Variants in NPTX1 observed in about 807,000 individuals in gnomAD.
NPTX1 encodes the protein neuronal pentraxin 1.
NPTX1 carries 12 observed loss-of-function variants against 38.7 expected under a neutral mutation model. That is an observed-to-expected ratio of 0.31 (90% CI 0.20 to 0.50). NPTX1 has a LOEUF of 0.50. NPTX1 is among the 20% of genes least tolerant of loss of function. NPTX1 has a pLI of 0.98. For missense variants in NPTX1, 454 were observed against 592.2 expected, an observed-to-expected ratio of 0.77 and a Z score of 2.42; for synonymous variants, 272 against 264.9, an observed-to-expected ratio of 1.03 and a Z score of -0.26.
At position 80,475,499 on chromosome 17, in the gene NPTX1, T is replaced by C; in HGVS notation, c.652+12A>G. On this transcript the variant is annotated intron_variant, in intron 2 of 4. Coordinates refer to ENST00000306773, the MANE Select transcript of NPTX1 (RefSeq NM_002522.4). The surrounding 1 kb of genome is among the most constrained non-coding windows in gnomAD (Gnocchi z 6.5). ...TGCAGGCAGGCAGCACGGCTCCCCCTGGCCCCAGTACCTTTCTCGAGCTCG... is the reference window on the plus strand; with the variant it reads ...TGCAGGCAGGCAGCACGGCTCCCCCCGGCCCCAGTACCTTTCTCGAGCTCG... The C allele has an allele frequency of 1.9e-6, 3 of 1,606,854 alleles. No homozygotes were observed. Among genetic ancestry groups the C allele is most frequent in the South Asian group, 2.2e-5 (2 of 90,556 alleles).
Position 80,475,802 on chromosome 17 carries a change from T to G in NPTX1, c.445-84A>C. ...GGAAGGCCCGCGGCGCGGTCCCCTCTGGGCGACTGCGGGGGCGGCCTGGCA... is the reference window on the plus strand; with the variant it reads ...GGAAGGCCCGCGGCGCGGTCCCCTCGGGGCGACTGCGGGGGCGGCCTGGCA... On this transcript the variant is annotated intron_variant, in intron 1 of 4. Transcript: ENST00000306773. The surrounding 1 kb of genome is among the most constrained non-coding windows in gnomAD (Gnocchi z 6.5). 2 of 1,129,186 alleles carry G rather than the reference T, an allele frequency of 1.8e-6. No individual in the cohort carries two copies. The highest frequency in any genetic ancestry group is 2.5e-6 in the Non-Finnish European group (2 of 797,210). The allele number at this position is 1,129,186 out of a possible 1,614,324, so 69.9% of individuals were successfully genotyped here.
In NPTX1 at chr17:80,475,775, C is replaced by A; in HGVS notation, c.445-57G>T. ...CGTTAGGCGAGGCGCGGGGACCGTG[C>A]TGGAAGGCCCGCGGCGCGGTCCCCT... On this transcript the variant is annotated intron_variant, in intron 1 of 4. Coordinates refer to ENST00000306773, the MANE Select transcript of NPTX1 (RefSeq NM_002522.4). This position sits in a 1 kb window ranked among gnomAD's most constrained non-coding sequence, Gnocchi z 6.5. 3 of 1,375,012 alleles carry A rather than the reference C, an allele frequency of 2.2e-6. No homozygotes were observed. In the Admixed American group the frequency reaches 5.3e-5, roughly 24 times the overall value. 85.2% of individuals were successfully genotyped at this position (1,375,012 alleles called of 1,614,324 possible). A position where few individuals can be genotyped will look rare whatever the true frequency, so the allele number is the denominator to read the frequency against.
At chr17:80,472,010 A>T in intron 3 of NPTX1, 99 bp from the exon 4 acceptor site, 1 of 1,092,958 alleles carries the variant, frequency 9.1e-7, no homozygotes, top group Non-Finnish European at 1.3e-6. Flanking sequence ...CTACTTGCAA[A>T]GTAAATGTCA....
chr17:80,473,443 A>G lies in NPTX1; in HGVS notation c.654T>C (p.Gly218=), dbSNP rs774369660. 2 of 1,613,738 alleles carry G rather than the reference A, an allele frequency of 1.2e-6. No homozygotes were observed. The change falls in exon 3 of 5, where the codon GGT becomes GGC. Residue 218 remains glycine (G), a splice_region_variant and synonymous_variant. Transcript: ENST00000306773. Reference sequence around the variant, plus strand: ...TGTCTCCAGGGCGGTTGTCTTTCTGACCTGCGGAAGACACAGTCCTGACAT... The same window carrying G: ...TGTCTCCAGGGCGGTTGTCTTTCTGGCCTGCGGAAGACACAGTCCTGACAT... ...LHQRISELEK[G]QKDNRPGDKF... is the part of the protein sequence containing the mutation.
intron 2 of NPTX1, 108 bp from the exon 3 acceptor site, chr17:80,473,552 C>T (rs1009348452): frequency 2.2e-5 from 26 of 1,166,236 alleles, no homozygotes; most frequent in African/African-American, 9.1e-5. Context: ...GGGCAGGCTC[C>T]GGTCTCCATT....
At chr17:80,471,933 G>T (rs764371772) in intron 3 of NPTX1, 22 bp from the exon 4 acceptor site, 1 of 1,596,576 alleles carries the variant, frequency 6.3e-7, no homozygotes, top group African/African-American at 1.3e-5. Flanking sequence ...AATGACAGAC[G>T]CCAGCTGGTG....
intron 2 of NPTX1, chr17:80,474,085 G>C (rs1488601528): frequency 6.5e-6 from 1 of 153,556 alleles, no homozygotes; most frequent in Non-Finnish European, 1.4e-5. Flanking sequence ...TGCTGAGAGG[G>C]CAGGGCAGCA....
intron 3 of NPTX1, 120 bp from the exon 4 acceptor site, chr17:80,472,031 C>CTT: frequency 1.0e-6 from 1 of 972,028 alleles, no homozygotes; most frequent in Non-Finnish European, 1.5e-6. Context: ...ATAACTATTA[C>CTT]TGAATTCTCA....
Position 80,476,274 on chromosome 17 carries a change from A to C in NPTX1, c.173T>G (p.Val58Gly), listed in dbSNP as rs1053224113. The C allele has an allele frequency of 2.5e-5, 39 of 1,561,684 alleles. No individual in the cohort carries two copies. Among genetic ancestry groups the C allele is most frequent in the Non-Finnish European group, 3.4e-5 (39 of 1,162,268 alleles). ...AGGAEELRSS[V>G]LQLRETVLQQ... is the part of the protein sequence containing the mutation. ...CAGCACCGTCTCGCGGAGCTGCAGC[A>C]CGCTGCTCCGGAGCTCCTCGGCGCC... Residue 58 changes from valine (V) to glycine (G), a missense_variant, in exon 1 of 5, where the codon GTG (valine) becomes GGG (glycine). By Grantham distance (109) the Val-to-Gly change is moderately radical. Around this residue, in one of 4 missense-constraint regions of NPTX1, gnomAD observed 288 missense variants for 318.4 expected, o/e 0.90. Coordinates refer to ENST00000306773, the MANE Select transcript of NPTX1 (RefSeq NM_002522.4). This position sits in a 1 kb window ranked among gnomAD's most constrained non-coding sequence, Gnocchi z 6.3.
Position 80,468,596 on chromosome 17 carries a change from C to G in NPTX1, c.*2217G>C, listed in dbSNP as rs1176131717. ...GCGACTCCAAGCTCTCTTGCTGGCT[C>G]CCAGCTGTGGGAATCCTTTAGGCTT... On this transcript the variant is annotated 3_prime_UTR_variant, in exon 5 of 5. Coordinates refer to ENST00000306773, the MANE Select transcript of NPTX1 (RefSeq NM_002522.4). The G allele has an allele frequency of 6.6e-6, 1 of 152,246 alleles. No homozygotes were observed. The highest frequency in any genetic ancestry group is 1.5e-5 in the Non-Finnish European group (1 of 68,072). The allele number at this position is 152,246 out of a possible 1,614,324, so 9.4% of individuals were successfully genotyped here.
chr17:80,472,987 G>A (rs1277895742), intron 3 of NPTX1, among the ~76,000 whole-genome samples: 1 of 152,216 alleles, frequency 6.6e-6, no homozygotes, highest in East Asian at 1.9e-4. Flanking sequence ...CATCCGGGAA[G>A]GTCCAGCTCT....
chr17:80,469,414 C>G lies in NPTX1; in HGVS notation c.*1399G>C, dbSNP rs144881431. On this transcript the variant is annotated 3_prime_UTR_variant, in exon 5 of 5. Transcript: ENST00000306773. ...ACACACACACACACACACAAATGCA[C>G]ATACACTTCTCTCCCCTCCTTGGAA... 6.6e-6 allele frequency: 1 copy of G among 152,436 alleles called. No individual in the cohort carries two copies. Among genetic ancestry groups the G allele is most frequent in the African/African-American group, 2.4e-5 (1 of 41,576 alleles). 9.4% of individuals were successfully genotyped at this position (152,436 alleles called of 1,614,324 possible). A position where few individuals can be genotyped will look rare whatever the true frequency, so the allele number is the denominator to read the frequency against.
chr17:80,472,503 A>G (rs1366076799), intron 3 of NPTX1, among the ~76,000 whole-genome samples: 1 of 152,204 alleles, frequency 6.6e-6, no homozygotes, highest in African/African-American at 2.4e-5. Context: ...ACAGTGAGGA[A>G]AGAAACTTCA....
At position 80,470,903 on chromosome 17, in the gene NPTX1, G is replaced by C. The variant is rs777345588; in HGVS notation, c.1209C>G (p.Ser403=). The C allele has an allele frequency of 6.2e-7, 1 of 1,613,506 alleles. No homozygotes were observed. The highest frequency in any genetic ancestry group is 8.5e-7 in the Non-Finnish European group (1 of 1,179,572). Residue 403 remains serine (S), a synonymous_variant, in exon 5 of 5, where the codon TCC becomes TCG. Transcript: ENST00000306773. ...NLATCSTKAL[S]GNVIAWAESH... ...ATTCAGCCCAGGCGATGACATTGCC[G>C]GACAGAGCCTTGGTGCTGCAGGTGG...
rs76315174 is a variant in NPTX1, at chr17:80,468,014, A to G, written c.*2799T>C. 0.044 allele frequency: 6,768 copies of G among 152,738 alleles called. 226 individuals carry two copies. The highest frequency in any genetic ancestry group is 0.083 in the Admixed American group (1,277 of 15,300). The allele number at this position is 152,738 out of a possible 1,614,324, so 9.5% of individuals were successfully genotyped here. ...CGGCAAAAGCAAACACTGCCTCAACAGTGCTTTTTATCTTCTTGTTTTATA... is the reference window on the plus strand; with the variant it reads ...CGGCAAAAGCAAACACTGCCTCAACGGTGCTTTTTATCTTCTTGTTTTATA... On this transcript the variant is annotated 3_prime_UTR_variant, in exon 5 of 5. Transcript: ENST00000306773.
chr17:80,473,364 T>A lies in NPTX1; in HGVS notation c.733A>T (p.Lys245Ter), dbSNP rs1555705113. Residue 245 changes from lysine to a stop codon, truncating the protein, a stop_gained, in exon 3 of 5, where the codon AAG becomes TAG. Coordinates refer to ENST00000306773, the MANE Select transcript of NPTX1 (RefSeq NM_002522.4). LOFTEE classifies it high-confidence loss of function. ...AAGGCGTACATCTCTGGCAGGCTCT[T>A]CTTCACCTTGGCATACATATAGTTG... ...RTNYMYAKVK[K>*]SLPEMYAFTV... is the part of the protein sequence containing the mutation. 6.2e-7 allele frequency: 1 copy of A among 1,614,084 alleles called. No individual in the cohort carries two copies. Among genetic ancestry groups the A allele is most frequent in the Non-Finnish European group, 8.5e-7 (1 of 1,179,992 alleles).
chr17:80,475,467 A>G lies in NPTX1; in HGVS notation c.652+44T>C. On this transcript the variant is annotated intron_variant, in intron 2 of 4. Coordinates refer to ENST00000306773, the MANE Select transcript of NPTX1 (RefSeq NM_002522.4). The surrounding 1 kb of genome is among the most constrained non-coding windows in gnomAD (Gnocchi z 6.5). ...GATCGGGACCGAGGCAGGGTCGGGCAAGCAGGTGCAGGCAGGCAGCACGGC... is the reference window on the plus strand; with the variant it reads ...GATCGGGACCGAGGCAGGGTCGGGCGAGCAGGTGCAGGCAGGCAGCACGGC... 1 of 1,390,568 alleles carries G rather than the reference A, an allele frequency of 7.2e-7. No individual in the cohort carries two copies. The highest frequency in any genetic ancestry group is 9.9e-7 in the Non-Finnish European group (1 of 1,012,562). The allele number at this position is 1,390,568 out of a possible 1,614,324, so 86.1% of individuals were successfully genotyped here.
chr17:80,475,929 T>G lies in NPTX1; in HGVS notation c.444+74A>C, dbSNP rs1599508483. On this transcript the variant is annotated intron_variant, in intron 1 of 4. Transcript: ENST00000306773. This position sits in a 1 kb window ranked among gnomAD's most constrained non-coding sequence, Gnocchi z 6.5. ...CGAGGGCGGGGGATGCCTGGCCGGG[T>G]AGGGAACGGGGTGGGGGAGGGCAGA... 5.6e-6 allele frequency: 7 copies of G among 1,253,706 alleles called. No homozygotes were observed. Among genetic ancestry groups the G allele is most frequent in the East Asian group, 2.8e-5 (1 of 35,910 alleles). The allele number at this position is 1,253,706 out of a possible 1,614,324, so 77.7% of individuals were successfully genotyped here. A position where few individuals can be genotyped will look rare whatever the true frequency, so the allele number is the denominator to read the frequency against.
chr17:80,470,708 C>T lies in NPTX1; in HGVS notation c.*105G>A. 1 of 822,732 alleles carries T rather than the reference C, an allele frequency of 1.2e-6. No individual in the cohort carries two copies. The highest frequency in any genetic ancestry group is 1.9e-6 in the Non-Finnish European group (1 of 523,218). The allele number at this position is 822,732 out of a possible 1,614,324, so 51.0% of individuals were successfully genotyped here. On this transcript the variant is annotated 3_prime_UTR_variant, in exon 5 of 5. Coordinates refer to ENST00000306773, the MANE Select transcript of NPTX1 (RefSeq NM_002522.4). ...GCGTGTGCGTGTGCAGGGGCGACGGCCTCGGTTCATTCCTGGGGAAAAGGG... is the reference window on the plus strand; with the variant it reads ...GCGTGTGCGTGTGCAGGGGCGACGGTCTCGGTTCATTCCTGGGGAAAAGGG...
Sources: allele counts gnomAD v4.1 joint callset (sites outside exome capture counted in the v4.1 genomes callset), GRCh38; gene constraint gnomAD v4.1.1; regional missense constraint gnomAD v4.1.1; non-coding constraint Gnocchi (gnomAD v3.1); transcripts MANE v1.5; gene names NCBI Gene and HGNC (gene_info 2026-07-23, HGNC 2026-07-21).